The following H2BC18 variants were observed in gnomAD, a reference collection of about 807,000 sequenced individuals.
H2BC18 encodes H2B clustered histone 18.
H2BC18 carries 8 observed loss-of-function variants against 6.3 expected under a neutral mutation model. The observed-to-expected ratio is 1.28, with a 90% CI of 0.75 to 2.31. H2BC18 has a LOEUF of 2.31. Ranked by LOEUF, H2BC18 falls within the 30% of genes most tolerant of loss-of-function variation. The probability of loss-of-function intolerance (pLI) is 0.00; values close to 1 mark genes in which losing one functional copy is unlikely to be tolerated. For synonymous variants in H2BC18, 104 were observed against 78.1 expected (o/e 1.33, Z -1.75); for missense variants, 106 against 174.5 (o/e 0.61, Z 2.21).
At chr1:149,793,929 T>G in intron 1 of H2BC18, 4 of 1,284,506 alleles carry the variant, frequency 3.1e-6, no homozygotes, top group Non-Finnish European at 4.1e-6. Flanking sequence ...GCCTTCAGGA[T>G]TTAGGAATAT....
chr1:149,807,413 G>A (rs587594812), downstream of H2BC18, among the ~76,000 whole-genome samples: 1 of 151,246 alleles, frequency 6.6e-6, no homozygotes, highest in African/African-American at 2.4e-5. Flanking sequence ...GATCACTTGA[G>A]CCTGGGAGGT....
At chr1:149,811,328 TG>T (rs1322620833), downstream of H2BC18, 2 of 156,418 alleles carry the variant, frequency 1.3e-5, no homozygotes, top group East Asian at 3.9e-4. Context: ...CCACAGGGGG[TG>T]GGGTGGTGGC....
chr1:149,812,265 G>T lies in H2BC18; in HGVS notation c.59C>A (p.Thr20Lys), dbSNP rs782159989. 1 of 1,614,230 alleles carries T rather than the reference G, an allele frequency of 6.2e-7. No homozygotes were observed. Among genetic ancestry groups the T allele is most frequent in the Non-Finnish European group, 8.5e-7 (1 of 1,180,036 alleles). ...CTTGCCGTCCTTCTTCTGCACTTTC[G>T]TAACAGCCTTTTTGGAGCCCTTCTT... ...APKKGSKKAV[T>K]KVQKKDGKKR... The change falls in exon 1 of 1, where the codon ACG becomes AAG. Residue 20 changes from threonine to lysine, a missense_variant. This residue lies in a region of H2BC18 where 70 missense variants were observed against 64.6 expected (regional missense o/e 1.08). Coordinates refer to ENST00000369167, the MANE Select transcript of H2BC18 (RefSeq NM_001024599.5).
At chr1:149,811,753 A>G (rs2091977266), downstream of H2BC18, 2 of 676,890 alleles carry the variant, frequency 3.0e-6, no homozygotes, top group Non-Finnish European at 5.1e-6. Flanking sequence ...GGGCCAACTC[A>G]TTACAGGACT....
At chr1:149,800,960 C>A (rs2091862621) in intron 1 of H2BC18, among the ~76,000 whole-genome samples, 1 of 152,148 alleles carries the variant, frequency 6.6e-6, no homozygotes, top group Non-Finnish European at 1.5e-5. Flanking sequence ...GTGGTACATG[C>A]CTGTGGTCCC....
chr1:149,802,854 G>A (rs1233570572), intron 1 of H2BC18, among the ~76,000 whole-genome samples: 2 of 152,100 alleles, frequency 1.3e-5, no homozygotes, highest in African/African-American at 4.8e-5. Flanking sequence ...CACAGGAGAG[G>A]GATGAAAGCC....
intron 1 of H2BC18, among the ~76,000 whole-genome samples, chr1:149,797,223 T>C (rs1412473685): frequency 2.6e-5 from 4 of 152,210 alleles, no homozygotes; most frequent in African/African-American, 7.2e-5. Context: ...TTGGTGCTAT[T>C]TTTAAGGATA....
At chr1:149,794,058 C>T (rs1553752538) in intron 1 of H2BC18, 4 of 547,910 alleles carry the variant, frequency 7.3e-6, no homozygotes, top group Admixed American at 4.7e-5. Context: ...CTCACTGCCA[C>T]CAGGCTTAGT....
chr1:149,791,572 C>G, intron 1 of H2BC18: 7 of 1,604,876 alleles, frequency 4.4e-6, no homozygotes, highest in Non-Finnish European at 5.1e-6. Context: ...ACTTGCTCCC[C>G]GTGAGCACTG....
chr1:149,793,947 G>A (rs1402245210), intron 1 of H2BC18: 1 of 1,215,762 alleles, frequency 8.2e-7, no homozygotes. Flanking sequence ...TATTTTCCTA[G>A]GAGGGCCAAG....
At chr1:149,801,213 G>A (rs1161304861) in intron 1 of H2BC18, among the ~76,000 whole-genome samples, 2 of 151,924 alleles carry the variant, frequency 1.3e-5, no homozygotes, top group Non-Finnish European at 2.9e-5. Context: ...TCCAAAACAT[G>A]TGGATCATTT....
intron 1 of H2BC18, chr1:149,790,202 G>A (rs1553751559): frequency 6.2e-7 from 1 of 1,613,778 alleles, no homozygotes; most frequent in East Asian, 2.2e-5. Flanking sequence ...GCAAGACCCT[G>A]CGAGGCAGGA....
At chr1:149,803,417 T>G (rs781811898) in intron 1 of H2BC18, among the ~76,000 whole-genome samples, 51 of 152,252 alleles carry the variant, frequency 3.3e-4, no homozygotes, top group Non-Finnish European at 4.3e-4. Flanking sequence ...GTAAAGCAAC[T>G]GAGATCATTT....
chr1:149,785,574 A>G (rs1448509322), intron 1 of H2BC18: 2 of 151,880 alleles, frequency 1.3e-5, no homozygotes, highest in Non-Finnish European at 2.9e-5. Flanking sequence ...TGACAACAAA[A>G]GGACTAGGGC....
downstream of H2BC18, chr1:149,811,003 TGGA>T (rs1432200837): frequency 2.0e-5 from 3 of 152,080 alleles, no homozygotes; most frequent in Non-Finnish European, 4.4e-5. Context: ...TATTTTCCTG[TGGA>T]GAAGGACCTG....
chr1:149,789,313 A>G (rs1295737112), intron 1 of H2BC18, among the ~76,000 whole-genome samples: 4 of 152,284 alleles, frequency 2.6e-5, no homozygotes, highest in African/African-American at 9.6e-5. Context: ...GAATAGCATG[A>G]ACCCGGGAAG....
chr1:149,782,872 T>G, exon 2 of H2BC18: 5 of 1,583,038 alleles, frequency 3.2e-6, no homozygotes, highest in Non-Finnish European at 4.3e-6. Flanking sequence ...GTAGAACTCA[T>G]GAGTATGAAG....
At position 149,791,109 on chromosome 1, in the gene H2BC18, G is replaced by C. The variant is rs1302016294; in HGVS notation, c.378-7849C>G. 733 of 1,223,696 alleles carry C rather than the reference G, an allele frequency of 6.0e-4. 8 individuals are homozygous for C. Among genetic ancestry groups the C allele is most frequent in the Non-Finnish European group, 7.9e-4 (700 of 889,952 alleles). The allele number at this position is 1,223,696 out of a possible 1,614,324, so 75.8% of individuals were successfully genotyped here. ...TACCGCCAGTTCCTTCCTGCTCCCT[G>C]AAATGACCAGTGCCTCCCTGAGGAC... On this transcript the variant is annotated intron_variant, in intron 1 of 1. Coordinates refer to the H2BC18 transcript ENST00000545683.
downstream of H2BC18, among the ~76,000 whole-genome samples, chr1:149,809,926 G>C (rs2091956101): frequency 6.6e-6 from 1 of 150,732 alleles, no homozygotes; most frequent in Non-Finnish European, 1.5e-5. Context: ...CATGACAGTA[G>C]AACATTTAGG....
Sources: allele counts gnomAD v4.1 joint callset (sites outside exome capture counted in the v4.1 genomes callset), GRCh38; gene constraint gnomAD v4.1.1; regional missense constraint gnomAD v4.1.1; transcripts MANE v1.5; gene names NCBI Gene and HGNC (gene_info 2026-07-23, HGNC 2026-07-21).